NAV3: variants seen among roughly 807,000 people sequenced by gnomAD.
NAV3 encodes neuron navigator 3, also known as pore membrane and/or filament interacting like protein 1.
In NAV3, 87 loss-of-function variants were observed where a neutral mutation model predicts 244.7. The observed-to-expected ratio is 0.36, with a 90% CI of 0.30 to 0.42. The LOEUF (loss-of-function observed/expected upper bound fraction) is 0.42, where lower values mean the gene tolerates loss of function less well. NAV3 is among the 20% of genes least tolerant of loss of function. NAV3 has a pLI of 1.00. For missense variants in NAV3, 2,663 were observed against 2,893.3 expected, an observed-to-expected ratio of 0.92 and a Z score of 1.83; for synonymous variants, 1,126 against 1,042.2, an observed-to-expected ratio of 1.08 and a Z score of -1.55.
At chr12:77,966,191 T>A (rs1232660928) in intron 3 of NAV3, 38 bp from the exon 4 acceptor site, 20 of 1,554,358 alleles carry the variant, frequency 1.3e-5, no homozygotes, top group Non-Finnish European at 1.8e-5. Context: ...TAAAATATAA[T>A]CCTCTAAGTT....
chr12:77,627,073 A>G (rs1315179589), intron 2 of NAV3, among the ~76,000 whole-genome samples: 1 of 152,170 alleles, frequency 6.6e-6, no homozygotes, highest in African/African-American at 2.4e-5. Context: ...AAATTTCTCA[A>G]TTAAAAGATA....
In NAV3 at chr12:77,919,821, G is replaced by A. The variant is rs532324759; in HGVS notation, c.244-20498G>A. On this transcript the variant is annotated intron_variant, in intron 1 of 39. Coordinates refer to ENST00000397909, the MANE Select transcript of NAV3 (RefSeq NM_001024383.2). Reference sequence around the variant, plus strand: ...GATTAACAGAATTCTAGCTCTTAAAGGGACACTATTTATTTGACCCTATTG... The same window carrying A: ...GATTAACAGAATTCTAGCTCTTAAAAGGACACTATTTATTTGACCCTATTG... Among the ~76,000 whole-genome samples, 7 of 151,970 alleles carry A rather than the reference G, an allele frequency of 4.6e-5. No individual in the cohort carries two copies. In the East Asian group the frequency reaches 1.4e-3, roughly 29 times the overall value.
At chr12:77,630,320 T>TA (rs1210189158) in intron 2 of NAV3, among the ~76,000 whole-genome samples, 4 of 152,192 alleles carry the variant, frequency 2.6e-5, no homozygotes, top group African/African-American at 9.6e-5. Context: ...AGCAACTTTT[T>TA]ATGAACTATT....
intron 12 of NAV3, among the ~76,000 whole-genome samples, chr12:78,093,596 C>G (rs1197068304): frequency 1.3e-5 from 2 of 151,774 alleles, no homozygotes; most frequent in African/African-American, 4.8e-5. Flanking sequence ...GGAATAGAGA[C>G]TATAAACCCT....
intron 2 of NAV3, among the ~76,000 whole-genome samples, chr12:77,640,402 C>A (rs1056504910): frequency 2.6e-5 from 4 of 152,108 alleles, no homozygotes; most frequent in Non-Finnish European, 2.9e-5. Context: ...AAATTGATAT[C>A]TTTTCACCTA....
rs565281427 is a variant in NAV3, at chr12:78,153,846, C to A, written c.4785+4927C>A. On this transcript the variant is annotated intron_variant, in intron 22 of 39. Coordinates refer to ENST00000397909, the MANE Select transcript of NAV3 (RefSeq NM_001024383.2). ...TTACTCTTGCTTTTTTGCATCTCTTCTAAGAGAAAACAATTGGTGCATATT... is the reference window on the plus strand; with the variant it reads ...TTACTCTTGCTTTTTTGCATCTCTTATAAGAGAAAACAATTGGTGCATATT... 3.2e-4 allele frequency among the ~76,000 whole-genome samples: 49 copies of A among 151,840 alleles called. No individual in the cohort carries two copies. In the South Asian group the frequency reaches 1.0e-2, roughly 31 times the overall value.
At chr12:77,837,690 G>C (rs185014483) in intron 1 of NAV3, among the ~76,000 whole-genome samples, 6 of 152,210 alleles carry the variant, frequency 3.9e-5, no homozygotes, top group Admixed American at 2.0e-4. Flanking sequence ...CTTCTTTCGG[G>C]GTTAGGGAAA....
At chr12:77,708,779 C>T (rs1875959327) in intron 2 of NAV3, among the ~76,000 whole-genome samples, 1 of 152,056 alleles carries the variant, frequency 6.6e-6, no homozygotes, top group African/African-American at 2.4e-5. Context: ...CCTTCACATC[C>T]CTTGTAAGTT....
intron 2 of NAV3, among the ~76,000 whole-genome samples, chr12:77,586,214 C>T (rs1869607747): frequency 6.6e-6 from 1 of 152,160 alleles, no homozygotes; most frequent in African/African-American, 2.4e-5. Flanking sequence ...TGATTAATTG[C>T]TCCTGGTACT....
intron 12 of NAV3, among the ~76,000 whole-genome samples, chr12:78,068,397 C>G (rs1885282627): frequency 2.0e-5 from 3 of 150,786 alleles, no homozygotes. Flanking sequence ...CATATCTATA[C>G]TATAAATAGT....
intron 2 of NAV3, among the ~76,000 whole-genome samples, chr12:77,689,995 C>A (rs1438004798): frequency 6.6e-6 from 1 of 151,546 alleles, no homozygotes; most frequent in Admixed American, 6.6e-5. Context: ...ATTTTTCATT[C>A]TGGAATGAAA....
In NAV3 at chr12:77,683,125, C is replaced by A. The variant is rs1422906809; in HGVS notation, c.72+110859C>A. Among the ~76,000 whole-genome samples, 3 of 151,966 alleles carry A rather than the reference C, an allele frequency of 2.0e-5. No homozygotes were observed. The East Asian group carries it at 5.8e-4, about 29-fold the overall frequency. ...TAGAGCTTTTCTTCTATGTTTTCTT[C>A]CAATAATTTTATAGTTTCAGATCTT... On this transcript the variant is annotated intron_variant, in intron 2 of 8. Coordinates refer to the NAV3 transcript ENST00000550042.
intron 8 of NAV3, among the ~76,000 whole-genome samples, chr12:78,018,877 C>CGAGGGGTA (rs1566023930): frequency 6.6e-6 from 1 of 151,902 alleles, no homozygotes; most frequent in Non-Finnish European, 1.5e-5. Flanking sequence ...AAGAGGTCAG[C>CGAGGGGTA]GAGGGGTAGA....
intron 2 of NAV3, among the ~76,000 whole-genome samples, chr12:77,665,702 G>T (rs1441445770): frequency 6.6e-6 from 1 of 152,062 alleles, no homozygotes; most frequent in Non-Finnish European, 1.5e-5. Flanking sequence ...AACACTAGAA[G>T]TATACATGAT....
intron 2 of NAV3, among the ~76,000 whole-genome samples, chr12:77,722,644 T>A (rs929908136): frequency 6.6e-6 from 1 of 152,074 alleles, no homozygotes; most frequent in Non-Finnish European, 1.5e-5. Flanking sequence ...TTATATGGGT[T>A]GTTAAGTTCT....
chr12:77,922,031 T>C (rs1887758831), intron 1 of NAV3, among the ~76,000 whole-genome samples: 1 of 152,152 alleles, frequency 6.6e-6, no homozygotes, highest in South Asian at 2.1e-4. Flanking sequence ...GTGGAAACAG[T>C]GGCAATTATA....
chr12:78,158,704 G>A (rs1957405355), intron 22 of NAV3, among the ~76,000 whole-genome samples: 2 of 151,588 alleles, frequency 1.3e-5, no homozygotes, highest in Non-Finnish European at 3.0e-5. Flanking sequence ...TAAAGATAAT[G>A]TTCTAGCTGT....
At chr12:77,926,190 G>A (rs906068810) in intron 1 of NAV3, among the ~76,000 whole-genome samples, 1 of 152,092 alleles carries the variant, frequency 6.6e-6, no homozygotes, top group Non-Finnish European at 1.5e-5. Context: ...TTTAGCCTAA[G>A]TGAACGTAAA....
intron 1 of NAV3, among the ~76,000 whole-genome samples, chr12:77,877,733 G>A (rs150389051): frequency 2.0e-5 from 3 of 152,142 alleles, no homozygotes; most frequent in South Asian, 2.1e-4. Flanking sequence ...TTAAGTGTGG[G>A]CTATACATAG....
Sources: gnomAD v4.1 joint callset for allele counts (sites outside exome capture counted in the v4.1 genomes callset) on GRCh38, gnomAD v4.1.1 for gene constraint, MANE v1.5 for transcripts, NCBI Gene and HGNC (gene_info 2026-07-23, HGNC 2026-07-21) for gene names.